The following NCKAP5 variants were observed in gnomAD, a reference collection of about 807,000 sequenced individuals.
NCKAP5 encodes the protein NCK associated protein 5.
Under a neutral mutation model 167.0 loss-of-function variants are expected in NCKAP5, and 92 were observed. The ratio of observed to expected loss-of-function variants is 0.55; its 90% CI spans 0.47 to 0.66. The LOEUF (loss-of-function observed/expected upper bound fraction) is 0.66. NCKAP5 is among the 30% of genes least tolerant of loss of function. The pLI, the probability that NCKAP5 is intolerant of heterozygous loss-of-function variation, is 0.00. For synonymous variants in NCKAP5, 891 were observed against 877.4 expected (o/e 1.02, Z -0.27); for missense variants, 2,378 against 2,315.0 (o/e 1.03, Z -0.56).
chr2:133,554,437 G>A (rs1687592932), intron 2 of NCKAP5: 1 of 152,086 alleles, frequency 6.6e-6, no homozygotes, highest in African/African-American at 2.4e-5. Context: ...GCAAAGGTAA[G>A]GTATATGAAC....
chr2:133,096,146 A>C lies in NCKAP5; in HGVS notation c.341+33832T>G, dbSNP rs6727426. Among the ~76,000 whole-genome samples, 59 of 152,290 alleles carry C rather than the reference A, an allele frequency of 3.9e-4. 1 individual carries two copies. Among genetic ancestry groups the C allele is most frequent in the African/African-American group, 1.4e-3 (57 of 41,550 alleles). ...CCAGGCCTCAAAATGCAGCAAACCT[A>C]ATACGAACCAATCTAAACCTAAAGC... On this transcript the variant is annotated intron_variant, in intron 6 of 19. Transcript: ENST00000409261.
At chr2:133,021,213 G>T (rs1159172391) in intron 6 of NCKAP5, among the ~76,000 whole-genome samples, 2 of 152,152 alleles carry the variant, frequency 1.3e-5, no homozygotes, top group Admixed American at 1.3e-4. Context: ...GTTACGGCAT[G>T]CAGAGATTAT....
At chr2:133,515,008 A>G (rs1323499953) in intron 3 of NCKAP5, among the ~76,000 whole-genome samples, 1 of 152,042 alleles carries the variant, frequency 6.6e-6, no homozygotes, top group Non-Finnish European at 1.5e-5. Context: ...GTTTTCTTGT[A>G]TTTCACAGCA....
chr2:133,463,947 A>G (rs746445104), intron 3 of NCKAP5, among the ~76,000 whole-genome samples: 19 of 152,178 alleles, frequency 1.2e-4, no homozygotes, highest in Non-Finnish European at 2.4e-4. Context: ...TTATAATCCA[A>G]TCTCTTCCTC....
chr2:132,689,165 G>T (rs1189630784), intron 19 of NCKAP5, among the ~76,000 whole-genome samples: 1 of 151,986 alleles, frequency 6.6e-6, no homozygotes, highest in African/African-American at 2.4e-5. Context: ...ATAACATGTG[G>T]GTGAATACAA....
chr2:132,811,292 G>A (rs1337044017), intron 11 of NCKAP5, among the ~76,000 whole-genome samples: 1 of 152,102 alleles, frequency 6.6e-6, no homozygotes, highest in Non-Finnish European at 1.5e-5. Context: ...CTGTATTAGT[G>A]TGGAAAGGGA....
intron 3 of NCKAP5, among the ~76,000 whole-genome samples, chr2:133,509,338 G>T (rs1280996968): frequency 6.6e-6 from 1 of 152,182 alleles, no homozygotes; most frequent in Non-Finnish European, 1.5e-5. Context: ...AATAATCTCT[G>T]ATGTAAAACA....
chr2:132,780,687 C>G (rs1026320273), intron 15 of NCKAP5, among the ~76,000 whole-genome samples: 1 of 152,074 alleles, frequency 6.6e-6, no homozygotes, highest in African/African-American at 2.4e-5. Context: ...ATGTTCATTC[C>G]TTTTTGGTGG....
chr2:133,325,690 T>C (rs921045387), intron 3 of NCKAP5, among the ~76,000 whole-genome samples: 1 of 152,178 alleles, frequency 6.6e-6, no homozygotes, highest in African/African-American at 2.4e-5. Flanking sequence ...AGGGTAGAGT[T>C]TGTGACCTGA....
chr2:132,750,498 AT>A (rs1680020413), intron 16 of NCKAP5, among the ~76,000 whole-genome samples: 1 of 152,158 alleles, frequency 6.6e-6, no homozygotes, highest in Non-Finnish European at 1.5e-5. Flanking sequence ...GAAGCTTCTC[AT>A]TTTTCCAAAT....
rs115873246 is a variant in NCKAP5, at chr2:133,103,457, T to G, written c.341+26521A>C. ...GAGAATTAAAAGAGAGAAAGCATTTTGAGTGCACACTGGATGCTGGGCCCA... is the reference window on the plus strand; with the variant it reads ...GAGAATTAAAAGAGAGAAAGCATTTGGAGTGCACACTGGATGCTGGGCCCA... On this transcript the variant is annotated intron_variant, in intron 6 of 19. Transcript: ENST00000409261. Among the ~76,000 whole-genome samples, 231 of 152,324 alleles carry G rather than the reference T, an allele frequency of 1.5e-3. 1 individual carries two copies. Among genetic ancestry groups the G allele is most frequent in the African/African-American group, 5.4e-3 (224 of 41,570 alleles).
At chr2:133,498,433 C>CGGAA (rs749222948) in intron 3 of NCKAP5, among the ~76,000 whole-genome samples, 18,832 of 100,072 alleles carry the variant, frequency 0.19, 2,515 homozygotes, top group Non-Finnish European at 0.24. Context: ...ATGAGAAAAA[C>CGGAA]GGAAGGAAGG....
intron 5 of NCKAP5, among the ~76,000 whole-genome samples, chr2:133,162,897 C>T (rs1191223230): frequency 6.6e-6 from 1 of 151,906 alleles, no homozygotes; most frequent in Non-Finnish European, 1.5e-5. Context: ...TATTTTTTTC[C>T]ATGTGAGAAA....
intron 5 of NCKAP5, among the ~76,000 whole-genome samples, chr2:133,132,137 A>G (rs2082623506): frequency 6.6e-6 from 1 of 151,960 alleles, no homozygotes; most frequent in South Asian, 2.1e-4. Context: ...AAAATAAAAA[A>G]ATTAGCCAGG....
intron 6 of NCKAP5, among the ~76,000 whole-genome samples, chr2:133,115,796 T>TTC (rs1253176311): frequency 1.7e-5 from 2 of 121,026 alleles, no homozygotes; most frequent in African/African-American, 8.7e-5. Context: ...TATATATATA[T>TTC]ATATATATAT....
chr2:133,176,959 A>C (rs1409982468), intron 5 of NCKAP5, among the ~76,000 whole-genome samples: 1 of 152,086 alleles, frequency 6.6e-6, no homozygotes, highest in Non-Finnish European at 1.5e-5. Context: ...ATCCCTCTTT[A>C]AGCTAAAAAT....
At chr2:133,050,817 C>A (rs2079574762) in intron 6 of NCKAP5, among the ~76,000 whole-genome samples, 2 of 152,192 alleles carry the variant, frequency 1.3e-5, no homozygotes, top group Admixed American at 6.5e-5. Context: ...TTACTTTCTT[C>A]ATTTATCACC....
rs1012170597 is a variant in NCKAP5, at chr2:133,056,143, G to A, written c.342-61904C>T. On this transcript the variant is annotated intron_variant, in intron 6 of 19. Transcript: ENST00000409261. The stretch of plus-strand genomic sequence containing the variant: ...ATTATTTTGTCTGTACCACTTTCTC[G>A]ATGACCTGCTCAACTGAAATGCTTG... Among the ~76,000 whole-genome samples, 6 of 152,072 alleles carry A rather than the reference G, an allele frequency of 3.9e-5. 1 individual carries two copies. Among genetic ancestry groups the A allele is most frequent in the Middle Eastern group, 3.4e-3 (1 of 292 alleles).
intron 5 of NCKAP5, among the ~76,000 whole-genome samples, chr2:133,191,488 C>G (rs940707104): frequency 6.6e-6 from 1 of 152,144 alleles, no homozygotes; most frequent in African/African-American, 2.4e-5. Context: ...TATTGCAGCA[C>G]TATTCACAAT....
Sources: allele counts gnomAD v4.1 joint callset (sites outside exome capture counted in the v4.1 genomes callset), GRCh38; gene constraint gnomAD v4.1.1; transcripts MANE v1.5; gene names NCBI Gene and HGNC (gene_info 2026-07-23, HGNC 2026-07-21).